Variants in IMMP2L observed in about 807,000 individuals in gnomAD.
IMMP2L encodes mitochondrial inner membrane protease subunit 2.
Under a neutral mutation model 19.3 loss-of-function variants are expected in IMMP2L, and 18 were observed. That is an observed-to-expected ratio of 0.93 (90% CI 0.64 to 1.38). The LOEUF (loss-of-function observed/expected upper bound fraction) is 1.38. Ranked by LOEUF, IMMP2L falls within the 40% of genes most tolerant of loss-of-function variation. The pLI, the probability that IMMP2L is intolerant of heterozygous loss-of-function variation, is 0.00. For synonymous variants in IMMP2L, 76 were observed against 73.0 expected (o/e 1.04, Z -0.21); for missense variants, 233 against 218.2 (o/e 1.07, Z -0.43).
intron 3 of IMMP2L, among the ~76,000 whole-genome samples, chr7:110,987,097 T>C (rs1277683293): frequency 6.6e-6 from 1 of 152,144 alleles, no homozygotes; most frequent in Admixed American, 6.5e-5. Context: ...AATGCCAATT[T>C]CAAGAATTCA....
chr7:111,499,227 A>G (rs1843902843), intron 2 of IMMP2L, among the ~76,000 whole-genome samples: 1 of 152,152 alleles, frequency 6.6e-6, no homozygotes, highest in South Asian at 2.1e-4. Context: ...AATGAGTCAT[A>G]AGGCCAAGTC....
chr7:111,238,053 A>T (rs749637517), intron 3 of IMMP2L, among the ~76,000 whole-genome samples: 5 of 151,970 alleles, frequency 3.3e-5, no homozygotes, highest in Non-Finnish European at 7.4e-5. Context: ...AAGAAGATGG[A>T]CTCCAAAGCT....
At chr7:111,534,044 A>T (rs1457627242) in intron 1 of IMMP2L, among the ~76,000 whole-genome samples, 1 of 152,116 alleles carries the variant, frequency 6.6e-6, no homozygotes, top group Non-Finnish European at 1.5e-5. Flanking sequence ...AAAAAGATGT[A>T]CAAACACACT....
At chr7:111,444,545 C>T (rs1032816427) in intron 3 of IMMP2L, among the ~76,000 whole-genome samples, 1 of 152,112 alleles carries the variant, frequency 6.6e-6, no homozygotes, top group Non-Finnish European at 1.5e-5. Flanking sequence ...TGTTAAGTGC[C>T]TGCAAATAAG....
chr7:111,521,211 CT>C, intron 2 of IMMP2L, 101 bp downstream of exon 2: 1 of 1,271,892 alleles, frequency 7.9e-7, no homozygotes, highest in African/African-American at 1.5e-5. Flanking sequence ...TTTTTATAAC[CT>C]TTCAGTTCCC....
chr7:111,111,447 G>A (rs569189667), intron 3 of IMMP2L, among the ~76,000 whole-genome samples: 5 of 136,306 alleles, frequency 3.7e-5, no homozygotes, highest in African/African-American at 1.1e-4. Flanking sequence ...TACTTCCCCC[G>A]CCCTTAATTT....
intron 3 of IMMP2L, among the ~76,000 whole-genome samples, chr7:111,324,518 G>C (rs552755642): frequency 1.3e-5 from 2 of 151,956 alleles, no homozygotes; most frequent in African/African-American, 4.8e-5. Context: ...TCTTTTTCAA[G>C]TTGAGAAAAG....
rs547350063 is a variant in IMMP2L, at chr7:111,526,683, T to C, written c.-2-5234A>G. ...TATATTTAACTGACTATAATGTTGT[T>C]TATGTAGCCAGTGCAGGCTATCTAT... On this transcript the variant is annotated intron_variant, in intron 1 of 5. Transcript: ENST00000405709. Among the ~76,000 whole-genome samples the C allele has an allele frequency of 3.1e-4, 47 of 152,284 alleles. 1 individual carries two copies. The South Asian group carries it at 9.7e-3, about 32-fold the overall frequency.
At chr7:110,801,135 A>C (rs1457546213) in intron 5 of IMMP2L, among the ~76,000 whole-genome samples, 1 of 152,130 alleles carries the variant, frequency 6.6e-6, no homozygotes, top group East Asian at 1.9e-4. Flanking sequence ...TACATAGTTG[A>C]AAATGTTTCT....
chr7:111,290,939 T>C (rs1438455014), intron 3 of IMMP2L, among the ~76,000 whole-genome samples: 5 of 151,954 alleles, frequency 3.3e-5, no homozygotes, highest in Non-Finnish European at 7.4e-5. Context: ...CTGCTTTATA[T>C]TCACTATACC....
At chr7:111,378,169 A>G (rs1830861518) in intron 3 of IMMP2L, among the ~76,000 whole-genome samples, 1 of 152,018 alleles carries the variant, frequency 6.6e-6, no homozygotes. Context: ...AAATTATAAA[A>G]CAATTATATG....
At chr7:111,045,983 G>C (rs1792354531) in intron 3 of IMMP2L, among the ~76,000 whole-genome samples, 1 of 151,746 alleles carries the variant, frequency 6.6e-6, no homozygotes, top group South Asian at 2.1e-4. Flanking sequence ...GTAACAATAA[G>C]GGAAGGCCAA....
intron 5 of IMMP2L, among the ~76,000 whole-genome samples, chr7:110,851,742 A>G (rs576780029): frequency 4.9e-4 from 75 of 152,284 alleles, no homozygotes; most frequent in African/African-American, 1.6e-3. Context: ...AAAAATTCTT[A>G]GCTAAAAGAA....
chr7:111,508,745 G>A (rs1019464913), intron 2 of IMMP2L, among the ~76,000 whole-genome samples: 3 of 152,134 alleles, frequency 2.0e-5, no homozygotes, highest in Non-Finnish European at 4.4e-5. Context: ...GGAAAGGGTA[G>A]GTATATGTGA....
At chr7:111,455,348 A>G (rs1839587158) in intron 3 of IMMP2L, among the ~76,000 whole-genome samples, 1 of 151,636 alleles carries the variant, frequency 6.6e-6, no homozygotes, top group Non-Finnish European at 1.5e-5. Flanking sequence ...AGTCTTTGAT[A>G]CCCATTCTTT....
In IMMP2L at chr7:110,663,410, A is replaced by C; in HGVS notation, c.*192T>G. 2.1e-6 allele frequency: 1 copy of C among 474,398 alleles called. No homozygotes were observed. Among genetic ancestry groups the C allele is most frequent in the South Asian group, 2.8e-5 (1 of 35,442 alleles). 29.4% of individuals were successfully genotyped at this position (474,398 alleles called of 1,614,324 possible). ...ACAGGGAACTAAAATTTAACACAAA[A>C]TCAGGTGCCATTTAATACTGTTTAA... On this transcript the variant is annotated 3_prime_UTR_variant, in exon 6 of 6. Transcript: ENST00000405709.
At chr7:111,021,139 A>G (rs2129566665) in intron 3 of IMMP2L, among the ~76,000 whole-genome samples, 1 of 152,330 alleles carries the variant, frequency 6.6e-6, no homozygotes, top group Middle Eastern at 3.4e-3. Flanking sequence ...GTGGGTGAAC[A>G]ATACACTATT....
chr7:111,539,353 A>G (rs188418996), intron 1 of IMMP2L, among the ~76,000 whole-genome samples: 13 of 152,318 alleles, frequency 8.5e-5, no homozygotes, highest in Admixed American at 4.6e-4. Context: ...TCAATAAATC[A>G]TAACACAACA....
intron 3 of IMMP2L, among the ~76,000 whole-genome samples, chr7:111,346,351 A>C (rs964182199): frequency 1.3e-5 from 2 of 152,188 alleles, no homozygotes; most frequent in African/African-American, 2.4e-5. Context: ...AGACCTAAGC[A>C]GAGCAGAGGA....
Sources: gnomAD v4.1 joint callset for allele counts (sites outside exome capture counted in the v4.1 genomes callset) on GRCh38, gnomAD v4.1.1 for gene constraint, MANE v1.5 for transcripts, NCBI Gene and HGNC (gene_info 2026-07-23, HGNC 2026-07-21) for gene names.